Variants in EPHA3 observed in about 807,000 individuals in gnomAD.
The protein encoded by EPHA3 is EPH receptor A3.
EPHA3 carries 42 observed loss-of-function variants against 107.1 expected under a neutral mutation model. That is an observed-to-expected ratio of 0.39 (90% CI 0.31 to 0.51). The LOEUF (loss-of-function observed/expected upper bound fraction) is 0.51. Ranked by LOEUF, EPHA3 falls within the 20% of genes least tolerant of loss-of-function variation. The probability of loss-of-function intolerance (pLI) is 0.78; values close to 1 mark genes in which losing one functional copy is unlikely to be tolerated. For missense variants in EPHA3, 1,183 were observed against 1,211.2 expected (o/e 0.98, Z 0.35); for synonymous variants, 461 against 424.8 (o/e 1.09, Z -1.05).
rs1709936273 is a variant in EPHA3 at position 89,449,108 on chromosome 3, A to T, written c.2347-117A>T. 3 of 960,208 alleles carry T rather than the reference A, an allele frequency of 3.1e-6. No homozygotes were observed. In the East Asian group the frequency reaches 8.8e-5, roughly 28 times the overall value. 59.5% of individuals were successfully genotyped at this position (960,208 alleles called of 1,614,324 possible). A position where few individuals can be genotyped will look rare whatever the true frequency, so the allele number is the denominator to read the frequency against. ...ACATCAAAATGTTTCACAGAAATGCATATTCCATTTCAGAACAGAAATACT... is the reference window on the plus strand; with the variant it reads ...ACATCAAAATGTTTCACAGAAATGCTTATTCCATTTCAGAACAGAAATACT... On this transcript the variant is annotated intron_variant, in intron 13 of 16. Coordinates refer to ENST00000336596, the MANE Select transcript of EPHA3 (RefSeq NM_005233.6).
intron 2 of EPHA3, among the ~76,000 whole-genome samples, chr3:89,147,894 T>C (rs1423402975): frequency 6.6e-6 from 1 of 151,848 alleles, no homozygotes; most frequent in Non-Finnish European, 1.5e-5. Flanking sequence ...GAGTAGCTGG[T>C]CAAAAAGGAG....
intron 2 of EPHA3, among the ~76,000 whole-genome samples, chr3:89,160,574 G>GTT (rs1329252928): frequency 7.1e-5 from 10 of 140,292 alleles, no homozygotes; most frequent in Non-Finnish European, 1.6e-4. Flanking sequence ...GTGTGTGTGT[G>GTT]TGTGTGTGTG....
At chr3:89,242,954 T>A (rs1460632324) in intron 3 of EPHA3, among the ~76,000 whole-genome samples, 1 of 133,076 alleles carries the variant, frequency 7.5e-6, no homozygotes, top group African/African-American at 2.8e-5. Context: ...CCTTCCTGTG[T>A]CCATGTGTTC....
chr3:89,192,137 G>C (rs1705731289), intron 2 of EPHA3, among the ~76,000 whole-genome samples: 1 of 152,108 alleles, frequency 6.6e-6, no homozygotes, highest in Non-Finnish European at 1.5e-5. Flanking sequence ...CAATAACTTA[G>C]AAAAGTGTCT....
chr3:89,227,019 A>G (rs76995302), intron 3 of EPHA3, among the ~76,000 whole-genome samples: 9,323 of 152,054 alleles, frequency 0.061, 401 homozygotes, highest in Non-Finnish European at 0.096. Context: ...TACACCTTAC[A>G]CAATAAATTT....
chr3:89,330,425 A>G (rs1477414457), intron 3 of EPHA3, among the ~76,000 whole-genome samples: 1 of 152,054 alleles, frequency 6.6e-6, no homozygotes, highest in Non-Finnish European at 1.5e-5. Context: ...TTTTTTTTAA[A>G]TCCATTGGCT....
chr3:89,110,688 A>G (rs543756297), intron 1 of EPHA3, among the ~76,000 whole-genome samples: 1 of 152,114 alleles, frequency 6.6e-6, no homozygotes, highest in Non-Finnish European at 1.5e-5. Flanking sequence ...GCTGTTTTTC[A>G]TGGCAAAATA....
chr3:89,409,616 C>CA (rs1487288083), intron 9 of EPHA3, among the ~76,000 whole-genome samples: 2 of 151,868 alleles, frequency 1.3e-5, no homozygotes, highest in Non-Finnish European at 2.9e-5. Flanking sequence ...TTATGACAAA[C>CA]AAAAGAGAAA....
intron 3 of EPHA3, among the ~76,000 whole-genome samples, chr3:89,312,620 A>G (rs988087574): frequency 6.6e-6 from 1 of 151,798 alleles, no homozygotes. Context: ...ATACATGTGC[A>G]GGTTTGTTAC....
At chr3:89,351,449 G>A (rs1707817259) in intron 5 of EPHA3, among the ~76,000 whole-genome samples, 1 of 150,524 alleles carries the variant, frequency 6.6e-6, no homozygotes, top group Admixed American at 6.6e-5. Flanking sequence ...CTTCCCAGGT[G>A]AGGCAATGCC....
At chr3:89,403,586 C>T (rs912113023) in intron 7 of EPHA3, among the ~76,000 whole-genome samples, 2 of 152,036 alleles carry the variant, frequency 1.3e-5, no homozygotes, top group Admixed American at 1.3e-4. Flanking sequence ...TCCACCAATA[C>T]AAGAAGTACA....
intron 2 of EPHA3, among the ~76,000 whole-genome samples, chr3:89,163,529 G>T (rs920295422): frequency 6.6e-6 from 1 of 152,002 alleles, no homozygotes; most frequent in Non-Finnish European, 1.5e-5. Context: ...ATATTCATAT[G>T]ATATAAAAAT....
rs752322107 is a variant in EPHA3 at position 89,407,337 on chromosome 3, C to T, written c.1663C>T (p.Leu555Phe). 12 of 1,613,474 alleles carry T rather than the reference C, an allele frequency of 7.4e-6. No homozygotes were observed. Among genetic ancestry groups the T allele is most frequent in the Non-Finnish European group, 1.0e-5 (12 of 1,179,624 alleles). ...IAISAAVAII[L>F]LTVVIYVLIG... ...CATTTCAGCGGCAGTAGCAATTATT[C>T]TCCTCACTGTTGTCATCTATGTTTT... The change falls in exon 8 of 17, where the codon CTC (leucine) becomes TTC (phenylalanine). Residue 555 changes from leucine to phenylalanine, a missense_variant. Transcript: ENST00000336596.
intron 3 of EPHA3, among the ~76,000 whole-genome samples, chr3:89,294,813 T>C (rs1706305581): frequency 6.6e-6 from 1 of 152,194 alleles, no homozygotes; most frequent in South Asian, 2.1e-4. Flanking sequence ...GATTGGTTTC[T>C]CTCTCTATTA....
At chr3:89,177,496 A>G (rs1327610177) in intron 2 of EPHA3, among the ~76,000 whole-genome samples, 3 of 152,174 alleles carry the variant, frequency 2.0e-5, no homozygotes, top group Admixed American at 6.5e-5. Context: ...AAACAACTTC[A>G]AAGACTGACA....
chr3:89,424,849 C>T (rs980642481), intron 11 of EPHA3, among the ~76,000 whole-genome samples: 13 of 151,284 alleles, frequency 8.6e-5, no homozygotes, highest in Non-Finnish European at 1.5e-4. Flanking sequence ...TGTTAAATTT[C>T]GTTTCAAGTT....
chr3:89,378,530 T>A (rs1016496857), intron 5 of EPHA3, among the ~76,000 whole-genome samples: 30 of 152,220 alleles, frequency 2.0e-4, no homozygotes, highest in Non-Finnish European at 1.5e-5. Context: ...TTAAGTTTAC[T>A]TCACAAGCTT....
rs1421543383 is a variant in EPHA3 at position 89,107,649 on chromosome 3, C to A, written c.-100C>A. The A allele has an allele frequency of 2.7e-6, 3 of 1,092,426 alleles. No individual in the cohort carries two copies. The highest frequency in any genetic ancestry group is 4.9e-5 in the East Asian group (2 of 41,222). 67.7% of individuals were successfully genotyped at this position (1,092,426 alleles called of 1,614,324 possible). On this transcript the variant is annotated 5_prime_UTR_variant, in exon 1 of 17. Coordinates refer to ENST00000336596, the MANE Select transcript of EPHA3 (RefSeq NM_005233.6). ...GTCAAACTTGACATCAGCCTGCGAGCGGAGCATGGTAACTTCTCCAGCAAT... is the reference window on the plus strand; with the variant it reads ...GTCAAACTTGACATCAGCCTGCGAGAGGAGCATGGTAACTTCTCCAGCAAT...
At chr3:89,431,049 C>A in intron 12 of EPHA3, 101 bp from the exon 13 acceptor site, 1 of 1,215,292 alleles carries the variant, frequency 8.2e-7, no homozygotes, top group Non-Finnish European at 1.1e-6. Context: ...TGTGTATAGT[C>A]AGTCTTGTTA....
Sources: gnomAD v4.1 joint callset for allele counts (sites outside exome capture counted in the v4.1 genomes callset) on GRCh38, gnomAD v4.1.1 for gene constraint, MANE v1.5 for transcripts, NCBI Gene and HGNC (gene_info 2026-07-23, HGNC 2026-07-21) for gene names.